SFRP1: variants seen among roughly 807,000 people sequenced by gnomAD.
SFRP1 encodes the protein secreted frizzled-related protein 1.
A neutral mutation model predicts 25.9 loss-of-function variants in SFRP1; 9 were observed. The ratio of observed to expected loss-of-function variants is 0.35; its 90% CI spans 0.21 to 0.61. The LOEUF (loss-of-function observed/expected upper bound fraction) is 0.61, where lower values mean the gene tolerates loss of function less well. Ranked by LOEUF, SFRP1 falls within the 20% of genes least tolerant of loss-of-function variation. The pLI is 0.78. For missense variants in SFRP1, 346 were observed against 418.2 expected (o/e 0.83, Z 1.51); for synonymous variants, 178 against 174.0 (o/e 1.02, Z -0.18).
chr8:41,285,944 C>G (rs1482323959), intron 2 of SFRP1, among the ~76,000 whole-genome samples: 1 of 151,410 alleles, frequency 6.6e-6, no homozygotes, highest in African/African-American at 2.4e-5. Flanking sequence ...CCCAGGAACT[C>G]TCAGGCTGAG....
intron 2 of SFRP1, among the ~76,000 whole-genome samples, 176 bp downstream of exon 2, chr8:41,303,285 C>A (rs1803951343): frequency 6.6e-6 from 1 of 151,848 alleles, no homozygotes. Context: ...TCAAAACTGG[C>A]CGGTTCTGGA....
chr8:41,296,389 T>C (rs938646301), intron 2 of SFRP1, among the ~76,000 whole-genome samples: 2 of 152,070 alleles, frequency 1.3e-5, no homozygotes, highest in Non-Finnish European at 2.9e-5. Flanking sequence ...AACAAAGATT[T>C]CAAGCACAAT....
intron 2 of SFRP1, among the ~76,000 whole-genome samples, chr8:41,295,684 A>G (rs1054241089): frequency 2.0e-5 from 3 of 151,814 alleles, no homozygotes; most frequent in African/African-American, 4.8e-5. Flanking sequence ...CTAATTCCCA[A>G]ATGGGTCTCT....
At chr8:41,298,760 A>T (rs544654370) in intron 2 of SFRP1, among the ~76,000 whole-genome samples, 1 of 152,268 alleles carries the variant, frequency 6.6e-6, no homozygotes, top group East Asian at 1.9e-4. Flanking sequence ...TTTTATCAAA[A>T]TATCAAACAT....
intron 2 of SFRP1, among the ~76,000 whole-genome samples, chr8:41,279,662 G>A (rs1803610968): frequency 6.6e-6 from 1 of 152,026 alleles, no homozygotes; most frequent in Admixed American, 6.6e-5. Flanking sequence ...GGGCAGAGAA[G>A]GGTCTCACTG....
At chr8:41,290,395 C>G (rs981433779) in intron 2 of SFRP1, among the ~76,000 whole-genome samples, 1 of 152,222 alleles carries the variant, frequency 6.6e-6, no homozygotes, top group African/African-American at 2.4e-5. Context: ...CAGTGCAATG[C>G]TTTGGGGCTG....
At chr8:41,266,434 T>A (rs1055554016) in intron 2 of SFRP1, among the ~76,000 whole-genome samples, 1 of 152,062 alleles carries the variant, frequency 6.6e-6, no homozygotes, top group African/African-American at 2.4e-5. Flanking sequence ...GTGTTTTTGT[T>A]TTTTATTGTT....
chr8:41,299,499 TAAAAAAAAAAA>T (rs576175856), intron 2 of SFRP1, among the ~76,000 whole-genome samples: 17,046 of 54,348 alleles, frequency 0.31, 2,055 homozygotes, highest in Middle Eastern at 0.4. Context: ...TTCTCCTTTA[TAAAAAAAAAAA>T]AAAAAAAAAA....
Position 41,309,248 on chromosome 8 carries a change from G to A in SFRP1, c.-89C>T. 1.6e-6 allele frequency: 2 copies of A among 1,235,074 alleles called. No homozygotes were observed. Among genetic ancestry groups the A allele is most frequent in the Non-Finnish European group, 2.0e-6 (2 of 989,528 alleles). 76.5% of individuals were successfully genotyped at this position (1,235,074 alleles called of 1,614,324 possible). ...CTGCCGCAAACTTCCAGGGACCTCCGGGGACAAAAGGCGCAGTCCCCAGCG... is the reference window on the plus strand; with the variant it reads ...CTGCCGCAAACTTCCAGGGACCTCCAGGGACAAAAGGCGCAGTCCCCAGCG... On this transcript the variant is annotated 5_prime_UTR_variant, in exon 1 of 3. Coordinates refer to ENST00000220772, the MANE Select transcript of SFRP1 (RefSeq NM_003012.5).
chr8:41,302,471 A>G (rs74601035), intron 2 of SFRP1, among the ~76,000 whole-genome samples: 2,941 of 152,310 alleles, frequency 0.019, 92 homozygotes, highest in African/African-American at 0.064. Flanking sequence ...ATGGACTCAC[A>G]TCACCTATCT....
At chr8:41,287,781 G>A (rs1803723597) in intron 2 of SFRP1, among the ~76,000 whole-genome samples, 1 of 152,230 alleles carries the variant, frequency 6.6e-6, no homozygotes, top group Admixed American at 6.5e-5. Flanking sequence ...ACCTGTTACA[G>A]TTTAAGGAAA....
chr8:41,277,935 C>G (rs1803590418), intron 2 of SFRP1, among the ~76,000 whole-genome samples: 1 of 152,178 alleles, frequency 6.6e-6, no homozygotes, highest in African/African-American at 2.4e-5. Flanking sequence ...CTAACAAGTC[C>G]CCAAGTGATG....
chr8:41,270,080 G>A (rs746557054), intron 2 of SFRP1, among the ~76,000 whole-genome samples: 11 of 152,172 alleles, frequency 7.2e-5, no homozygotes, highest in East Asian at 1.9e-4. Flanking sequence ...GGTGATTAGG[G>A]GGCCACGCCA....
intron 2 of SFRP1, among the ~76,000 whole-genome samples, chr8:41,287,341 T>C (rs1803717589): frequency 6.6e-6 from 1 of 152,240 alleles, no homozygotes; most frequent in South Asian, 2.1e-4. Context: ...ACAGCTCCTC[T>C]TACACAAAAT....
chr8:41,281,525 G>A (rs1246113578), intron 2 of SFRP1, among the ~76,000 whole-genome samples: 1 of 152,244 alleles, frequency 6.6e-6, no homozygotes, highest in Non-Finnish European at 1.5e-5. Flanking sequence ...GACACATTGA[G>A]GATGCGGAGG....
rs1223439264 is a variant in SFRP1, at chr8:41,265,065, G to C, written c.*102C>G. 2.2e-5 allele frequency: 17 copies of C among 764,588 alleles called. No individual in the cohort carries two copies. The highest frequency in any genetic ancestry group is 3.6e-5 in the Non-Finnish European group (17 of 477,572). The allele number at this position is 764,588 out of a possible 1,614,324, so 47.4% of individuals were successfully genotyped here. The stretch of plus-strand genomic sequence containing the variant: ...CGACTGGATTACAATGTCCACTACT[G>C]ACAGGCGCAGTGCGTGTGTGTGACC... On this transcript the variant is annotated 3_prime_UTR_variant, in exon 3 of 3. Coordinates refer to ENST00000220772, the MANE Select transcript of SFRP1 (RefSeq NM_003012.5).
At chr8:41,291,728 C>G (rs536422958) in intron 2 of SFRP1, among the ~76,000 whole-genome samples, 1 of 152,284 alleles carries the variant, frequency 6.6e-6, no homozygotes, top group Admixed American at 6.5e-5. Flanking sequence ...CGGAGCCCAG[C>G]ACACACACCA....
At position 41,265,112 on chromosome 8, in the gene SFRP1, T is replaced by TCCCCCCCCCCACCCCC; in HGVS notation, c.*54_*55insGGGGGTGGGGGGGGGG. On this transcript the variant is annotated 3_prime_UTR_variant, in exon 3 of 3. Transcript: ENST00000220772. ...GACCCACCGGGTTCCCGGGGCACTG[T>TCCCCCCCCCCACCCCC]CCCCCCCGCTCCCACCCCACCCGAG... is the stretch of plus-strand genomic sequence containing the variant. 1.9e-6 allele frequency: 1 copy of TCCCCCCCCCCACCCCC among 517,774 alleles called. No homozygotes were observed. 32.1% of individuals were successfully genotyped at this position (517,774 alleles called of 1,614,324 possible). A position where few individuals can be genotyped will look rare whatever the true frequency, so the allele number is the denominator to read the frequency against.
chr8:41,279,062 C>G (rs1412232932), intron 2 of SFRP1, among the ~76,000 whole-genome samples: 2 of 152,026 alleles, frequency 1.3e-5, no homozygotes, highest in African/African-American at 4.8e-5. Flanking sequence ...CAGCAGAGCT[C>G]TGCATGAGAA....
Sources: gnomAD v4.1 joint callset for allele counts (sites outside exome capture counted in the v4.1 genomes callset) on GRCh38, gnomAD v4.1.1 for gene constraint, MANE v1.5 for transcripts, NCBI Gene and HGNC (gene_info 2026-07-23, HGNC 2026-07-21) for gene names.